Variants in PHACTR3 observed in about 807,000 individuals in gnomAD.
The protein encoded by PHACTR3 is protein phosphatase 1, regulatory subunit 123.
A neutral mutation model predicts 66.8 loss-of-function variants in PHACTR3; 16 were observed. The observed-to-expected ratio is 0.24, with a 90% CI of 0.16 to 0.36. PHACTR3 has a LOEUF of 0.36. Ranked by LOEUF, PHACTR3 falls within the 10% of genes least tolerant of loss-of-function variation. The pLI is 1.00. For missense variants in PHACTR3, 647 were observed against 719.9 expected (o/e 0.90, Z 1.16); for synonymous variants, 323 against 292.1 (o/e 1.11, Z -1.08).
intron 1 of PHACTR3, among the ~76,000 whole-genome samples, chr20:59,639,841 A>G (rs560822274): frequency 1.3e-5 from 2 of 152,306 alleles, no homozygotes; most frequent in South Asian, 4.1e-4. Flanking sequence ...GAAGAGATGT[A>G]CTGTGCTGGG....
intron 1 of PHACTR3, among the ~76,000 whole-genome samples, chr20:59,689,155 G>A (rs868370596): frequency 3.9e-5 from 6 of 152,318 alleles, no homozygotes; most frequent in East Asian, 1.9e-4. Flanking sequence ...GAGTTGCCAC[G>A]TGGATTTGCA....
chr20:59,669,046 C>T (rs1343080825), intron 1 of PHACTR3, among the ~76,000 whole-genome samples: 1 of 152,128 alleles, frequency 6.6e-6, no homozygotes, highest in East Asian at 1.9e-4. Flanking sequence ...CTGCGCCCGG[C>T]CCAAAGCCTA....
At chr20:59,641,466 A>G (rs1420436359) in intron 1 of PHACTR3, among the ~76,000 whole-genome samples, 1 of 152,178 alleles carries the variant, frequency 6.6e-6, no homozygotes, top group East Asian at 1.9e-4. Flanking sequence ...TCTGCAGAAG[A>G]CTGATGATTC....
At chr20:59,716,206 TTGTGTGTGTGTGTGTG>T (rs201782505) in intron 1 of PHACTR3, among the ~76,000 whole-genome samples, 6,933 of 128,632 alleles carry the variant, frequency 0.054, 250 homozygotes, top group African/African-American at 0.096. Flanking sequence ...CCTTCACCCT[TTGTGTGTGTGTGTGTG>T]TGTGTGTGTG....
intron 1 of PHACTR3, among the ~76,000 whole-genome samples, chr20:59,710,819 T>C (rs1601160517): frequency 6.6e-6 from 1 of 152,174 alleles, no homozygotes; most frequent in African/African-American, 2.4e-5. Flanking sequence ...TTTATGGGAA[T>C]GTTCTTTGCC....
At chr20:59,674,958 TCTC>T (rs1294023472) in intron 1 of PHACTR3, among the ~76,000 whole-genome samples, 1 of 32,424 alleles carries the variant, frequency 3.1e-5, no homozygotes, top group African/African-American at 1.6e-4. Flanking sequence ...TCCTCCCCCT[TCTC>T]CTGTTCCTCC....
intron 3 of PHACTR3, 39 bp from the exon 4 acceptor site, chr20:59,755,143 G>A: frequency 6.3e-7 from 1 of 1,589,900 alleles, no homozygotes; most frequent in Non-Finnish European, 8.6e-7. Flanking sequence ...ATGAAGGAAG[G>A]GAGGTGCAGG....
In PHACTR3 at chr20:59,784,748, C is replaced by T. The variant is rs2040846637; in HGVS notation, c.1174+10258C>T. On this transcript the variant is annotated intron_variant, in intron 7 of 12. Transcript: ENST00000371015. ...CCTGGCTATGTGGCCTTGGGCTACA[C>T]TGTGGGACGTTGTCATCTGCAAAAT... 3.3e-5 allele frequency among the ~76,000 whole-genome samples: 5 copies of T among 152,220 alleles called. No homozygotes were observed. The South Asian group carries it at 1.0e-3, about 32-fold the overall frequency.
chr20:59,605,846 CGGGGGGGGAGGT>C (rs1466826756), intron 1 of PHACTR3, among the ~76,000 whole-genome samples: 3 of 7,770 alleles, frequency 3.9e-4, no homozygotes, highest in Non-Finnish European at 1.2e-3. Context: ...CCTAATAAAG[CGGGGGGGGAGGT>C]GGGGGGGGGG....
At chr20:59,831,298 C>G (rs1044625101) in intron 8 of PHACTR3, among the ~76,000 whole-genome samples, 1 of 152,216 alleles carries the variant, frequency 6.6e-6, no homozygotes, top group African/African-American at 2.4e-5. Flanking sequence ...TCCTGGCTCC[C>G]CAGCCCAGCC....
At chr20:59,657,121 T>G (rs575040213) in intron 1 of PHACTR3, among the ~76,000 whole-genome samples, 12 of 152,172 alleles carry the variant, frequency 7.9e-5, no homozygotes, top group African/African-American at 2.9e-4. Context: ...GTTCTCTTCA[T>G]TTGTTCTTGT....
chr20:59,805,544 G>C (rs747583056), intron 7 of PHACTR3, among the ~76,000 whole-genome samples: 1 of 152,152 alleles, frequency 6.6e-6, no homozygotes, highest in Non-Finnish European at 1.5e-5. Context: ...AAGGCTGTGC[G>C]GTAGGCAGAG....
In PHACTR3 at chr20:59,581,165, A is replaced by G. The variant is rs138412412; in HGVS notation, c.109+3548A>G. Among the ~76,000 whole-genome samples the G allele has an allele frequency of 8.4e-3, 1,286 of 152,368 alleles. 28 individuals carry two copies. Among genetic ancestry groups the G allele is most frequent in the African/African-American group, 0.03 (1,228 of 41,598 alleles). ...GCCAGCATGGCAGTGCAAGAACCCC[A>G]CAGCTGTGCCCACCTGACCTGCAAA... On this transcript the variant is annotated intron_variant, in intron 1 of 12. Transcript: ENST00000359926.
chr20:59,772,489 G>C (rs1449123152), intron 5 of PHACTR3, among the ~76,000 whole-genome samples: 1 of 152,184 alleles, frequency 6.6e-6, no homozygotes, highest in African/African-American at 2.4e-5. Flanking sequence ...GGAGACGAGG[G>C]ATCTGATCAT....
intron 7 of PHACTR3, among the ~76,000 whole-genome samples, chr20:59,775,256 C>T (rs1159608737): frequency 2.0e-5 from 3 of 152,080 alleles, no homozygotes; most frequent in Admixed American, 6.5e-5. Context: ...TGATTAGTCC[C>T]AGGAAGGTCC....
At chr20:59,618,456 G>A (rs146074292) in intron 1 of PHACTR3, among the ~76,000 whole-genome samples, 19 of 152,330 alleles carry the variant, frequency 1.2e-4, no homozygotes, top group African/African-American at 2.9e-4. Context: ...GTGAGACCAG[G>A]GAAGAGGGTG....
chr20:59,628,539 T>TCTGGCTC (rs1289166458), intron 1 of PHACTR3: 3 of 841,198 alleles, frequency 3.6e-6, no homozygotes, highest in Admixed American at 6.2e-5. Flanking sequence ...TGCAGGCATT[T>TCTGGCTC]CTGGCTCCTG....
chr20:59,763,987 G>A (rs1279941219), intron 4 of PHACTR3, among the ~76,000 whole-genome samples: 1 of 152,184 alleles, frequency 6.6e-6, no homozygotes, highest in Admixed American at 6.5e-5. Flanking sequence ...TAACTAAGCT[G>A]GGAGTATACA....
chr20:59,814,165 C>G (rs6128702), intron 8 of PHACTR3, among the ~76,000 whole-genome samples: 1 of 151,944 alleles, frequency 6.6e-6, no homozygotes, highest in African/African-American at 2.4e-5. Flanking sequence ...GTCTGGGAAA[C>G]GCCCCTCTGC....
Sources: gnomAD v4.1 joint callset for allele counts (sites outside exome capture counted in the v4.1 genomes callset) on GRCh38, gnomAD v4.1.1 for gene constraint, MANE v1.5 for transcripts, NCBI Gene and HGNC (gene_info 2026-07-23, HGNC 2026-07-21) for gene names.